ATG16L2: variants seen among roughly 807,000 people sequenced by gnomAD.
The protein encoded by ATG16L2 is autophagy related 16 like 2, also known as protein Atg16l2.
Under a neutral mutation model 84.7 loss-of-function variants are expected in ATG16L2, and 77 were observed. That is an observed-to-expected ratio of 0.91 (90% CI 0.76 to 1.10). ATG16L2 has a LOEUF of 1.10. ATG16L2 is among the 50% of genes least tolerant of loss of function. ATG16L2 has a pLI of 0.00. For missense variants in ATG16L2, 782 were observed against 817.6 expected, an observed-to-expected ratio of 0.96 and a Z score of 0.53; for synonymous variants, 361 against 342.8, an observed-to-expected ratio of 1.05 and a Z score of -0.59.
chr11:72,835,172 C>A (rs867386221), intron 5 of ATG16L2, among the ~76,000 whole-genome samples: 3 of 152,226 alleles, frequency 2.0e-5, no homozygotes, highest in African/African-American at 2.4e-5. Flanking sequence ...ACAGACGGAA[C>A]CTCCAGTACC....
chr11:72,833,266 C>T (rs555089251), downstream of ATG16L2, among the ~76,000 whole-genome samples: 155 of 152,358 alleles, frequency 1.0e-3, no homozygotes, highest in Middle Eastern at 3.4e-3. Flanking sequence ...GTGGACCCAT[C>T]TGTGAGATTC....
chr11:72,829,171 A>G, intron 17 of ATG16L2, 132 bp from the exon 18 acceptor site: 1 of 1,145,298 alleles, frequency 8.7e-7, no homozygotes, highest in Middle Eastern at 2.0e-4. Flanking sequence ...CAGCCCTGTG[A>G]GCTAACTTGA....
intron 5 of ATG16L2, among the ~76,000 whole-genome samples, chr11:72,835,404 G>A (rs982145425): frequency 4.9e-5 from 6 of 123,188 alleles, no homozygotes; most frequent in Non-Finnish European, 1.2e-4. Flanking sequence ...AGAAAAGGCA[G>A]GAGAGGTGGT....
intron 14 of ATG16L2, 97 bp downstream of exon 14, chr11:72,827,390 T>A: frequency 9.6e-7 from 1 of 1,046,442 alleles, no homozygotes; most frequent in African/African-American, 1.6e-5. Context: ...GGAGTCTTGG[T>A]GGCACTTTGG....
At chr11:72,830,365 T>C (rs1860579932), downstream of ATG16L2, among the ~76,000 whole-genome samples, 1 of 152,148 alleles carries the variant, frequency 6.6e-6, no homozygotes, top group Non-Finnish European at 1.5e-5. Context: ...CTGCACCCCA[T>C]GTCCCTGGGA....
chr11:72,828,560 C>G, intron 15 of ATG16L2, 52 bp downstream of exon 15: 3 of 1,610,682 alleles, frequency 1.9e-6, no homozygotes, highest in Non-Finnish European at 2.5e-6. Flanking sequence ...ACAGCTGAGC[C>G]TCTCTTCTCC....
rs1467858537 is a variant in ATG16L2, at chr11:72,822,398, CT to C, written c.645-79del. 1 of 1,599,124 alleles carries C rather than the reference CT, an allele frequency of 6.3e-7. No homozygotes were observed. Among genetic ancestry groups the C allele is most frequent in the Non-Finnish European group, 8.5e-7 (1 of 1,173,206 alleles). Reference sequence around the variant, plus strand: ...AAGGGAGGGGGGCAGCAGCCGCCCCCTGGAGGAAGGGACCGGGTCTAGCCCC... The same window carrying C: ...AAGGGAGGGGGGCAGCAGCCGCCCCCGGAGGAAGGGACCGGGTCTAGCCCC... On this transcript the variant is annotated intron_variant, in intron 5 of 17. Coordinates refer to ENST00000321297, the MANE Select transcript of ATG16L2 (RefSeq NM_033388.2). This position sits in a 1 kb window ranked among gnomAD's most constrained non-coding sequence, Gnocchi z 4.2.
exon 6 of ATG16L2, chr11:72,842,942 G>T: frequency 1.0e-6 from 1 of 993,148 alleles, no homozygotes; most frequent in Non-Finnish European, 1.5e-6. Flanking sequence ...GCATCATACA[G>T]AATAGGATTA....
At chr11:72,824,661 CAG>C in intron 8 of ATG16L2, 71 bp from the exon 9 acceptor site, 1 of 1,088,614 alleles carries the variant, frequency 9.2e-7, no homozygotes, top group South Asian at 1.3e-5. Context: ...GTTGATGCCT[CAG>C]GGGAGCTGGA....
At chr11:72,831,005 C>T (rs567149905), downstream of ATG16L2, among the ~76,000 whole-genome samples, 1 of 152,314 alleles carries the variant, frequency 6.6e-6, no homozygotes, top group South Asian at 2.1e-4. Context: ...CTCCCAGCCC[C>T]CAGTTCAAAT....
chr11:72,842,762 AC>A, exon 6 of ATG16L2: 1 of 1,614,036 alleles, frequency 6.2e-7, no homozygotes, highest in Non-Finnish European at 8.5e-7. Flanking sequence ...TGTTCAAGAT[AC>A]GGATTATTGC....
intron 7 of ATG16L2, chr11:72,823,666 A>C (rs1199509679): frequency 2.2e-6 from 1 of 457,386 alleles, no homozygotes; most frequent in Non-Finnish European, 4.4e-6. Flanking sequence ...TGTAGGACAC[A>C]CCCTCTCCTG....
At chr11:72,833,679 T>G (rs1351134504), downstream of ATG16L2, among the ~76,000 whole-genome samples, 1 of 151,932 alleles carries the variant, frequency 6.6e-6, no homozygotes, top group Non-Finnish European at 1.5e-5. Flanking sequence ...CCAGCACTTT[T>G]GGAGGCTGGG....
chr11:72,820,578 A>C (rs1408230765), intron 3 of ATG16L2, among the ~76,000 whole-genome samples: 1 of 152,242 alleles, frequency 6.6e-6, no homozygotes, highest in African/African-American at 2.4e-5. Context: ...CCAACTATGA[A>C]TAAAGGTGCC....
downstream of ATG16L2, among the ~76,000 whole-genome samples, chr11:72,833,432 G>A (rs186162233): frequency 8.6e-4 from 131 of 152,242 alleles, no homozygotes; most frequent in Non-Finnish European, 1.5e-3. Context: ...AGGAAAGCAG[G>A]GTCCAGAAGG....
intron 5 of ATG16L2, among the ~76,000 whole-genome samples, chr11:72,839,652 A>C (rs1340107271): frequency 6.6e-6 from 1 of 152,174 alleles, no homozygotes; most frequent in Non-Finnish European, 1.5e-5. Flanking sequence ...TGGGGGTTCC[A>C]TTTACCAAGA....
At chr11:72,840,823 C>CT (rs1860902304) in intron 5 of ATG16L2, 19 of 1,317,164 alleles carry the variant, frequency 1.4e-5, no homozygotes, top group Non-Finnish European at 2.1e-5. Flanking sequence ...TAATTCCTTA[C>CT]TTTCAATTTG....
rs1860063946 is a variant in ATG16L2 at position 72,822,399 on chromosome 11, T to G, written c.645-79T>G. The G allele has an allele frequency of 1.3e-6, 2 of 1,599,572 alleles. No homozygotes were observed. Among genetic ancestry groups the G allele is most frequent in the Non-Finnish European group, 1.7e-6 (2 of 1,172,988 alleles). On this transcript the variant is annotated intron_variant, in intron 5 of 17. Coordinates refer to ENST00000321297, the MANE Select transcript of ATG16L2 (RefSeq NM_033388.2). The surrounding 1 kb of genome is among the most constrained non-coding windows in gnomAD (Gnocchi z 4.2). ...AGGGAGGGGGGCAGCAGCCGCCCCC[T>G]GGAGGAAGGGACCGGGTCTAGCCCC...
intron 16 of ATG16L2, 33 bp from the exon 17 acceptor site, chr11:72,828,847 ACCC>A: frequency 6.2e-7 from 1 of 1,613,266 alleles, no homozygotes; most frequent in South Asian, 1.1e-5. Flanking sequence ...CTCCCCTCTG[ACCC>A]CCCGTTTTCT....
Sources: gnomAD v4.1 joint callset for allele counts (sites outside exome capture counted in the v4.1 genomes callset) on GRCh38, gnomAD v4.1.1 for gene constraint, Gnocchi (gnomAD v3.1) non-coding constraint, MANE v1.5 for transcripts, NCBI Gene and HGNC (gene_info 2026-07-23, HGNC 2026-07-21) for gene names.